Variants in ERICH1 observed in about 807,000 individuals in gnomAD.
ERICH1 encodes the protein glutamate-rich protein 1.
In ERICH1, 56 loss-of-function variants were observed where a neutral mutation model predicts 39.6. The ratio of observed to expected loss-of-function variants is 1.41; its 90% confidence interval spans 1.14 to 1.77. The LOEUF (loss-of-function observed/expected upper bound fraction) is 1.77, where lower values mean the gene tolerates loss of function less well. Ranked by LOEUF, ERICH1 falls within the 40% of genes most tolerant of loss-of-function variation. ERICH1 has a pLI of 0.00. For missense variants in ERICH1, 826 were observed against 575.4 expected (o/e 1.44, Z -4.45); for synonymous variants, 313 against 223.6 (o/e 1.40, Z -3.57).
chr8:635,201 G>A (rs1313107378), intron 3 of ERICH1, among the ~76,000 whole-genome samples: 2 of 152,168 alleles, frequency 1.3e-5, no homozygotes, highest in Non-Finnish European at 2.9e-5. Context: ...CCCGAGGACA[G>A]GCCCCTCAGC....
intron 3 of ERICH1, among the ~76,000 whole-genome samples, chr8:642,772 A>C (rs1017218180): frequency 2.0e-5 from 3 of 152,026 alleles, no homozygotes; most frequent in African/African-American, 4.8e-5. Context: ...ACCGGCTCAG[A>C]GGGTCAGTGT....
At chr8:642,971 G>A (rs754952111) in intron 3 of ERICH1, among the ~76,000 whole-genome samples, 16 of 152,162 alleles carry the variant, frequency 1.1e-4, no homozygotes, top group Non-Finnish European at 1.9e-4. Context: ...ACGCCGCCGA[G>A]TCACTTGTTG....
chr8:660,267 C>T (rs1345055452), downstream of ERICH1, among the ~76,000 whole-genome samples: 1 of 152,262 alleles, frequency 6.6e-6, no homozygotes, highest in Non-Finnish European at 1.5e-5. Context: ...TGTGATGAGG[C>T]TTGGCAGTTG....
At chr8:697,307 CTTGGG>C (rs1810547530) in intron 2 of ERICH1, among the ~76,000 whole-genome samples, 2 of 152,202 alleles carry the variant, frequency 1.3e-5, no homozygotes, top group Admixed American at 1.3e-4. Flanking sequence ...CAGGCACAGG[CTTGGG>C]CTTGTCTCTT....
chr8:673,455 C>A lies in ERICH1; in HGVS notation c.897G>T (p.Ala299=). 1 of 1,613,506 alleles carries A rather than the reference C, an allele frequency of 6.2e-7. No individual in the cohort carries two copies. Residue 299 remains alanine (A), a synonymous_variant, in exon 4 of 6, where the codon GCG becomes GCT. Transcript: ENST00000262109. ...DGKDTREEDG[A]DASEEDPTWA... ...ATGTCGGGTCTTCCTCGCTGGCGTC[C>A]GCACCGTCCTCCTCCCTGGTGTCTT...
At chr8:678,575 C>T (rs1317063677) in intron 3 of ERICH1, among the ~76,000 whole-genome samples, 3 of 152,248 alleles carry the variant, frequency 2.0e-5, no homozygotes, top group South Asian at 2.1e-4. Context: ...CTTGGGAGGC[C>T]GAGGCGGGCG....
chr8:708,695 T>TTTTTTTTTTTTTTTTTTTTTTTG (rs1813972051), intron 2 of ERICH1, among the ~76,000 whole-genome samples: 1 of 129,138 alleles, frequency 7.7e-6, no homozygotes, highest in Non-Finnish European at 1.7e-5. Flanking sequence ...TTTTTTTTTT[T>TTTTTTTTTTTTTTTTTTTTTTTG]TTTTTTTTTT....
At chr8:680,389 G>A (rs1425437620) in intron 3 of ERICH1, among the ~76,000 whole-genome samples, 1 of 149,784 alleles carries the variant, frequency 6.7e-6, no homozygotes, top group African/African-American at 2.5e-5. Flanking sequence ...TGCCACCCCT[G>A]AAAACACAGA....
At position 684,551 on chromosome 8, in the gene ERICH1, G is replaced by C. The variant is rs548134371; in HGVS notation, c.304+7927C>G. 4.6e-5 allele frequency among the ~76,000 whole-genome samples: 7 copies of C among 152,268 alleles called. No homozygotes were observed. In the East Asian group the frequency reaches 1.2e-3, roughly 25 times the overall value. ...CGCTCATTTACTTCACGGGTTTTCA[G>C]TGGTACCACAGAGAAGAGGGGGGCT... On this transcript the variant is annotated intron_variant, in intron 3 of 5. Transcript: ENST00000262109.
At chr8:718,505 T>C (rs968565620) in intron 1 of ERICH1, among the ~76,000 whole-genome samples, 6 of 152,196 alleles carry the variant, frequency 3.9e-5, no homozygotes, top group Admixed American at 3.3e-4. Flanking sequence ...AAATATCTGA[T>C]ATAGGTGTAC....
intron 3 of ERICH1, among the ~76,000 whole-genome samples, chr8:644,726 C>T (rs1276665194): frequency 1.5e-5 from 1 of 67,912 alleles, no homozygotes; most frequent in African/African-American, 3.7e-5. Flanking sequence ...CCAGCCTGAC[C>T]CGTTCTATGA....
chr8:726,429 G>A (rs1473973387), intron 1 of ERICH1, among the ~76,000 whole-genome samples: 4 of 143,594 alleles, frequency 2.8e-5, no homozygotes, highest in African/African-American at 1.1e-4. Flanking sequence ...CATGCCACAG[G>A]CAGACACGTG....
At chr8:637,964 C>T (rs1015038187) in intron 3 of ERICH1, among the ~76,000 whole-genome samples, 8 of 152,224 alleles carry the variant, frequency 5.3e-5, no homozygotes, top group Non-Finnish European at 7.4e-5. Context: ...ACAGATGCAC[C>T]TTTAACAAGC....
chr8:623,958 C>T (rs749147817), intron 3 of ERICH1, among the ~76,000 whole-genome samples: 3 of 152,040 alleles, frequency 2.0e-5, no homozygotes, highest in Non-Finnish European at 4.4e-5. Context: ...ATAAAGAAGA[C>T]AACATACAGA....
At chr8:671,639 G>C (rs941517107) in intron 4 of ERICH1, among the ~76,000 whole-genome samples, 4 of 151,272 alleles carry the variant, frequency 2.6e-5, no homozygotes, top group East Asian at 2.0e-4. Context: ...TGGTCCCCAG[G>C]CTCCGACCTC....
intron 3 of ERICH1, among the ~76,000 whole-genome samples, chr8:624,151 T>G (rs1220618682): frequency 6.6e-6 from 1 of 152,192 alleles, no homozygotes; most frequent in Non-Finnish European, 1.5e-5. Context: ...GATGTTCAAC[T>G]TCATTATCCA....
chr8:678,137 A>G (rs1470616877), intron 3 of ERICH1, among the ~76,000 whole-genome samples: 1 of 152,192 alleles, frequency 6.6e-6, no homozygotes, highest in Admixed American at 6.5e-5. Flanking sequence ...TTGAAAAGGA[A>G]AAGTTAATAT....
intron 3 of ERICH1, among the ~76,000 whole-genome samples, chr8:634,354 G>T (rs186737631): frequency 6.6e-6 from 1 of 152,312 alleles, no homozygotes; most frequent in East Asian, 1.9e-4. Flanking sequence ...GTCGTGGAGC[G>T]CTTGGAACCC....
At chr8:693,175 CCACA>C (rs749690457) in intron 2 of ERICH1, among the ~76,000 whole-genome samples, 2 of 151,728 alleles carry the variant, frequency 1.3e-5, no homozygotes, top group Non-Finnish European at 2.9e-5. Flanking sequence ...CAGCCACAGA[CCACA>C]CACACAGGGA....
Sources: allele counts gnomAD v4.1 joint callset (sites outside exome capture counted in the v4.1 genomes callset), GRCh38; gene constraint gnomAD v4.1.1; transcripts MANE v1.5; gene names NCBI Gene and HGNC (gene_info 2026-07-23, HGNC 2026-07-21).